The following EPHB1 variants were observed in gnomAD, a reference collection of about 807,000 sequenced individuals.
EPHB1 encodes EPH receptor B1.
In EPHB1, 30 loss-of-function variants were observed where a neutral mutation model predicts 94.4. The ratio of observed to expected loss-of-function variants is 0.32; its 90% confidence interval spans 0.24 to 0.43. The LOEUF (loss-of-function observed/expected upper bound fraction) is 0.43, where lower values mean the gene tolerates loss of function less well. Among genes scored for constraint, EPHB1 ranks in the 20% least tolerant of loss-of-function variants. EPHB1 has a pLI of 1.00. For missense variants in EPHB1, 1,055 were observed against 1,308.3 expected (o/e 0.81, Z 2.99); for synonymous variants, 522 against 489.1 (o/e 1.07, Z -0.89).
At chr3:135,178,093 G>A (rs1942034838) in intron 9 of EPHB1, among the ~76,000 whole-genome samples, 1 of 152,082 alleles carries the variant, frequency 6.6e-6, no homozygotes, top group South Asian at 2.1e-4. Context: ...ACAAGTGACT[G>A]GGAATAACTC....
intron 3 of EPHB1, among the ~76,000 whole-genome samples, chr3:134,994,870 A>G (rs888010190): frequency 6.6e-6 from 1 of 152,216 alleles, no homozygotes; most frequent in African/African-American, 2.4e-5. Context: ...TTTACCCTTC[A>G]TCCAGTTTAT....
chr3:135,125,409 A>G (rs968636339), intron 4 of EPHB1, among the ~76,000 whole-genome samples: 5 of 148,216 alleles, frequency 3.4e-5, no homozygotes, highest in Non-Finnish European at 5.9e-5. Context: ...CTGAACCAAC[A>G]TGCTGCAAAA....
intron 3 of EPHB1, among the ~76,000 whole-genome samples, chr3:134,999,423 A>G (rs1279737852): frequency 6.6e-6 from 1 of 152,166 alleles, no homozygotes; most frequent in African/African-American, 2.4e-5. Context: ...ATATGAGGAG[A>G]GAAGGGATGG....
chr3:134,983,829 A>G (rs1259459987), intron 3 of EPHB1, among the ~76,000 whole-genome samples: 2 of 152,214 alleles, frequency 1.3e-5, no homozygotes, highest in Non-Finnish European at 2.9e-5. Flanking sequence ...CAGGTGGTTG[A>G]TGGAAGTCTG....
At chr3:135,179,800 G>T (rs917882727) in intron 9 of EPHB1, 60 bp from the exon 10 acceptor site, 96 of 1,600,234 alleles carry the variant, frequency 6.0e-5, no homozygotes, top group Non-Finnish European at 7.8e-5. Flanking sequence ...GACATCAGCA[G>T]TGCTGAATGA....
At chr3:134,977,979 T>C in intron 3 of EPHB1, 1 of 456,316 alleles carries the variant, frequency 2.2e-6, no homozygotes. Flanking sequence ...CCAGGCCTTT[T>C]TGGAGGATCC....
At position 135,106,533 on chromosome 3, in the gene EPHB1, G is replaced by A. The variant is rs199734379; in HGVS notation, c.891G>A (p.Ala297=). ...CPSNSRSPAE[A]SPICTCRTGY... ...CCAACAGCCGCTCCCCTGCAGAGGC[G>A]TCTCCCATCTGCACCTGTCGGACCG... Residue 297 remains alanine (A), a synonymous_variant, in exon 4 of 16, where the codon GCG becomes GCA. Transcript: ENST00000398015. 1.4e-4 allele frequency: 224 copies of A among 1,614,016 alleles called. 1 individual carries two copies. Among genetic ancestry groups the A allele is most frequent in the African/African-American group, 2.9e-4 (22 of 75,046 alleles).
At chr3:135,017,459 C>T (rs1220094288) in intron 3 of EPHB1, among the ~76,000 whole-genome samples, 3 of 152,134 alleles carry the variant, frequency 2.0e-5, no homozygotes, top group Admixed American at 6.5e-5. Context: ...AGCCGGAGCC[C>T]TCCAATGAAT....
intron 1 of EPHB1, among the ~76,000 whole-genome samples, chr3:134,880,647 G>C (rs1211023659): frequency 6.6e-6 from 1 of 152,164 alleles, no homozygotes; most frequent in African/African-American, 2.4e-5. Context: ...CAGACAGCTG[G>C]GCTCATACCA....
chr3:135,226,568 C>A (rs1241502694), intron 12 of EPHB1, among the ~76,000 whole-genome samples: 1 of 152,180 alleles, frequency 6.6e-6, no homozygotes, highest in Non-Finnish European at 1.5e-5. Flanking sequence ...GCTCTTCCAA[C>A]CCTGAATTCG....
At chr3:135,224,116 T>C (rs1943337485) in intron 12 of EPHB1, among the ~76,000 whole-genome samples, 1 of 152,228 alleles carries the variant, frequency 6.6e-6, no homozygotes. Context: ...AGTACCATGC[T>C]ATACAGGTTT....
chr3:135,042,303 C>G (rs1047569086), intron 3 of EPHB1, among the ~76,000 whole-genome samples: 2 of 152,140 alleles, frequency 1.3e-5, no homozygotes, highest in African/African-American at 2.4e-5. Flanking sequence ...CCCTTATAGC[C>G]TAATCACCTC....
rs113827275 is a variant in EPHB1 at position 135,249,599 on chromosome 3, G to A, written c.2846+108G>A. On this transcript the variant is annotated intron_variant, in intron 15 of 15. Transcript: ENST00000398015. Reference sequence around the variant, plus strand: ...TTTCTGGCCTCATCCCTGGAGCTCCGTCTCTGTATAGACCAGGCCTGGATG... The same window carrying A: ...TTTCTGGCCTCATCCCTGGAGCTCCATCTCTGTATAGACCAGGCCTGGATG... 4.6e-4 allele frequency: 598 copies of A among 1,299,766 alleles called. 4 individuals are homozygous for A. The African/African-American group carries it at 6.2e-3, about 13-fold the overall frequency. 80.5% of individuals were successfully genotyped at this position (1,299,766 alleles called of 1,614,324 possible).
chr3:134,804,908 G>A (rs1170235138), intron 1 of EPHB1, among the ~76,000 whole-genome samples: 1 of 152,220 alleles, frequency 6.6e-6, no homozygotes, highest in East Asian at 1.9e-4. Flanking sequence ...GCAGTGGAAA[G>A]GGCTGAGCAG....
intron 1 of EPHB1, among the ~76,000 whole-genome samples, chr3:134,891,655 C>G (rs575306494): frequency 6.6e-6 from 1 of 152,252 alleles, no homozygotes; most frequent in African/African-American, 2.4e-5. Flanking sequence ...TCAAACCATC[C>G]TTGCCTTATA....
chr3:135,241,596 A>G (rs771439914), intron 13 of EPHB1, among the ~76,000 whole-genome samples: 2 of 152,190 alleles, frequency 1.3e-5, no homozygotes, highest in Non-Finnish European at 2.9e-5. Flanking sequence ...ATCAGCCCCA[A>G]ATTAAGCAGT....
At chr3:135,075,280 A>C (rs141237499) in intron 3 of EPHB1, among the ~76,000 whole-genome samples, 3 of 152,150 alleles carry the variant, frequency 2.0e-5, no homozygotes, top group Admixed American at 6.5e-5. Flanking sequence ...GAATTCAGAC[A>C]TCTAGAGTGC....
At chr3:135,036,004 C>T (rs1936633220) in intron 3 of EPHB1, among the ~76,000 whole-genome samples, 1 of 152,224 alleles carries the variant, frequency 6.6e-6, no homozygotes, top group Non-Finnish European at 1.5e-5. Flanking sequence ...ATTTATCTAT[C>T]TCTCCATTCA....
chr3:134,937,883 A>C (rs1015797608), intron 2 of EPHB1, among the ~76,000 whole-genome samples: 4 of 150,680 alleles, frequency 2.7e-5, no homozygotes, highest in African/African-American at 9.8e-5. Context: ...CGCCGTTGCC[A>C]TAGTGACCAG....
Sources: gnomAD v4.1 joint callset for allele counts (sites outside exome capture counted in the v4.1 genomes callset) on GRCh38, gnomAD v4.1.1 for gene constraint, MANE v1.5 for transcripts, NCBI Gene and HGNC (gene_info 2026-07-23, HGNC 2026-07-21) for gene names.